Variants in RIPOR3 observed in about 807,000 individuals in gnomAD.
RIPOR3 encodes RIPOR family member 3, also known as family with sequence similarity 65 member C.
RIPOR3 carries 95 observed loss-of-function variants against 114.3 expected under a neutral mutation model. The observed-to-expected ratio is 0.83, with a 90% confidence interval of 0.70 to 0.99. The LOEUF is 0.99. Ranked by LOEUF, RIPOR3 falls within the 50% of genes least tolerant of loss-of-function variation. RIPOR3 has a pLI of 0.00. For missense variants in RIPOR3, 1,252 were observed against 1,266.9 expected, an observed-to-expected ratio of 0.99 and a Z score of 0.18; for synonymous variants, 575 against 543.8, an observed-to-expected ratio of 1.06 and a Z score of -0.80.
rs371116662 is a variant in RIPOR3 at position 50,597,630 on chromosome 20, G to T, written c.1740C>A (p.Ala580=). 6.2e-7 allele frequency: 1 copy of T among 1,612,074 alleles called. No individual in the cohort carries two copies. The highest frequency in any genetic ancestry group is 1.7e-5 in the Admixed American group (1 of 59,810). ...GGGACAGCTCATCCAGGGCGAAGTC[G>T]GCATTGAGGAAGGCGAAGCTCTCCA... ...CILESFAFLN[A]DFALDELSLF... Residue 580 remains alanine (A), a synonymous_variant, in exon 14 of 22, where the codon GCC becomes GCA. Coordinates refer to ENST00000327979, the MANE Select transcript of RIPOR3 (RefSeq NM_001290268.2).
intron 1 of RIPOR3, chr20:50,645,991 G>A (rs1306033991): frequency 1.3e-5 from 2 of 152,256 alleles, no homozygotes; most frequent in Non-Finnish European, 2.9e-5. Context: ...ATTGGAGAGG[G>A]AGACTGTTCC....
At chr20:50,619,937 C>A (rs550389632) in intron 3 of RIPOR3, 49 bp downstream of exon 3, 10 of 1,575,806 alleles carry the variant, frequency 6.3e-6, no homozygotes, top group South Asian at 3.4e-5. Context: ...AGAGAGGAGG[C>A]GAGGTAGAGG....
intron 1 of RIPOR3, among the ~76,000 whole-genome samples, chr20:50,642,504 A>G (rs2085240117): frequency 6.6e-6 from 1 of 151,742 alleles, no homozygotes; most frequent in Non-Finnish European, 1.5e-5. Context: ...TAAGTTGCTA[A>G]TCTGTTAACC....
At chr20:50,598,282 T>C (rs1300246405) in intron 13 of RIPOR3, among the ~76,000 whole-genome samples, 1 of 151,282 alleles carries the variant, frequency 6.6e-6, no homozygotes, top group African/African-American at 2.4e-5. Context: ...TAAGGGAGAG[T>C]GTTGGGGCCA....
chr20:50,619,076 G>A (rs1441167167), intron 3 of RIPOR3, among the ~76,000 whole-genome samples: 1 of 152,124 alleles, frequency 6.6e-6, no homozygotes, highest in Non-Finnish European at 1.5e-5. Context: ...GCCAGGCGTG[G>A]TGGCAGGTGC....
Position 50,602,636 on chromosome 20 carries a change from T to C in RIPOR3, c.1095A>G (p.Leu365=), listed in dbSNP as rs765984645. 6.3e-5 allele frequency: 93 copies of C among 1,484,698 alleles called. 1 individual carries two copies. Among genetic ancestry groups the C allele is most frequent in the Middle Eastern group, 5.5e-4 (3 of 5,478 alleles). 92.0% of individuals were successfully genotyped at this position (1,484,698 alleles called of 1,614,324 possible). ...GCAAGGCCTGCTGTGTTGGCTGCTG[T>C]AGGACAGACTGGAGAGGGGACACGG... ...SFRERYYLSV[L]QQPTQQALLL... is the part of the protein sequence containing the mutation. Residue 365 remains leucine (L), a synonymous_variant, in exon 13 of 22, where the codon CTA becomes CTG. Coordinates refer to ENST00000327979, the MANE Select transcript of RIPOR3 (RefSeq NM_001290268.2). The surrounding 1 kb of genome is among the most constrained non-coding windows in gnomAD (Gnocchi z 4.3).
At chr20:50,668,230 G>A (rs2086326607) in intron 1 of RIPOR3, among the ~76,000 whole-genome samples, 1 of 152,150 alleles carries the variant, frequency 6.6e-6, no homozygotes, top group African/African-American at 2.4e-5. Flanking sequence ...CCAGTCACCT[G>A]AGTCTGTTGA....
chr20:50,590,812 G>A (rs1446265606), intron 19 of RIPOR3, among the ~76,000 whole-genome samples: 1 of 128,544 alleles, frequency 7.8e-6, no homozygotes, highest in Non-Finnish European at 1.6e-5. Context: ...GAAGATGAAG[G>A]CCCTTTTTTT....
intron 1 of RIPOR3, among the ~76,000 whole-genome samples, chr20:50,642,190 A>G (rs746015192): frequency 5.9e-5 from 9 of 151,812 alleles, no homozygotes; most frequent in African/African-American, 1.7e-4. Context: ...CGGCTTCCCA[A>G]TCTCCTCTTC....
intron 1 of RIPOR3, among the ~76,000 whole-genome samples, chr20:50,646,191 G>T (rs193150953): frequency 4.6e-5 from 7 of 151,878 alleles, no homozygotes; most frequent in African/African-American, 1.5e-4. Context: ...GCAGTGGTGC[G>T]GTCACAGCTC....
In RIPOR3 at chr20:50,602,484, C is replaced by T. The variant is rs553944120; in HGVS notation, c.1247G>A (p.Arg416Gln). ...CGCCGACGTGCTGGTCTCCGTGTCT[C>T]GGGGGTCCTCAGAGCTGAAGGAGTC... ...EMDSFSSEDPRDTETSTSAST... is the reference protein window; with the variant it reads ...EMDSFSSEDPQDTETSTSAST... The change falls in exon 13 of 22, where the codon CGA (arginine) becomes CAA (glutamine). Residue 416 changes from arginine to glutamine, a missense_variant. Coordinates refer to ENST00000327979, the MANE Select transcript of RIPOR3 (RefSeq NM_001290268.2). This position sits in a 1 kb window ranked among gnomAD's most constrained non-coding sequence, Gnocchi z 4.3. 1.5e-5 allele frequency: 24 copies of T among 1,558,298 alleles called. No individual in the cohort carries two copies. Among genetic ancestry groups the T allele is most frequent in the Admixed American group, 5.7e-5 (3 of 52,736 alleles).
chr20:50,665,983 G>T (rs1357328826), intron 1 of RIPOR3, among the ~76,000 whole-genome samples: 21 of 151,600 alleles, frequency 1.4e-4, no homozygotes, highest in Non-Finnish European at 1.5e-5. Flanking sequence ...CTTTGCTTAA[G>T]CCAGTATAAA....
chr20:50,661,086 A>C (rs1010608274), intron 1 of RIPOR3, among the ~76,000 whole-genome samples: 2 of 151,960 alleles, frequency 1.3e-5, no homozygotes, highest in African/African-American at 2.4e-5. Context: ...AAAAATACAA[A>C]AATTAGCTGG....
intron 1 of RIPOR3, among the ~76,000 whole-genome samples, chr20:50,639,345 C>A (rs150711795): frequency 6.6e-6 from 1 of 152,254 alleles, no homozygotes; most frequent in South Asian, 2.1e-4. Context: ...TCATTGAATT[C>A]CTGGTACCCA....
Position 50,587,189 on chromosome 20 carries a change from C to CA in RIPOR3, c.*42dup, listed in dbSNP as rs750986720. 309 of 1,503,964 alleles carry CA rather than the reference C, an allele frequency of 2.1e-4. No individual in the cohort carries two copies. The highest frequency in any genetic ancestry group is 2.5e-4 in the Non-Finnish European group (269 of 1,082,198). The allele number at this position is 1,503,964 out of a possible 1,614,324, so 93.2% of individuals were successfully genotyped here. On this transcript the variant is annotated 3_prime_UTR_variant, in exon 22 of 22. Transcript: ENST00000327979. ...AGGCTATGTCCAGGCTGGGCAGCAG[C>CA]AAAAAAAACGATGTGAGATTTGTGC...
intron 1 of RIPOR3, among the ~76,000 whole-genome samples, chr20:50,634,049 T>G (rs2084907257): frequency 6.8e-6 from 1 of 146,614 alleles, no homozygotes; most frequent in Non-Finnish European, 1.5e-5. Flanking sequence ...TGACACGATC[T>G]CAGCTCACTG....
At chr20:50,637,835 G>A (rs1408109474) in intron 1 of RIPOR3, among the ~76,000 whole-genome samples, 2 of 151,988 alleles carry the variant, frequency 1.3e-5, no homozygotes, top group African/African-American at 2.4e-5. Flanking sequence ...AGATCACACC[G>A]TTGCACTCCA....
chr20:50,681,299 C>A (rs140974780), intron 1 of RIPOR3, among the ~76,000 whole-genome samples: 1 of 140,352 alleles, frequency 7.1e-6, no homozygotes, highest in Non-Finnish European at 1.5e-5. Context: ...TATAATGAGG[C>A]TTCTGGAAAA....
At chr20:50,665,614 G>T (rs2086164567) in intron 1 of RIPOR3, among the ~76,000 whole-genome samples, 1 of 151,800 alleles carries the variant, frequency 6.6e-6, no homozygotes. Context: ...TAGAGATGGG[G>T]TTTCCTCATG....
Sources: gnomAD v4.1 joint callset for allele counts (sites outside exome capture counted in the v4.1 genomes callset) on GRCh38, gnomAD v4.1.1 for gene constraint, Gnocchi (gnomAD v3.1) non-coding constraint, MANE v1.5 for transcripts, NCBI Gene and HGNC (gene_info 2026-07-23, HGNC 2026-07-21) for gene names.